ATAD5: variants seen among roughly 807,000 people sequenced by gnomAD.
ATAD5 encodes ATPase family AAA domain containing 5.
ATAD5 carries 58 observed loss-of-function variants against 176.9 expected under a neutral mutation model. The ratio of observed to expected loss-of-function variants is 0.33; its 90% CI spans 0.27 to 0.41. The LOEUF (loss-of-function observed/expected upper bound fraction) is 0.41, where lower values mean the gene tolerates loss of function less well. Among genes scored for constraint, ATAD5 ranks in the 10% least tolerant of loss-of-function variants. The pLI is 1.00. For missense variants in ATAD5, 1,789 were observed against 2,094.1 expected (o/e 0.85, Z 2.84); for synonymous variants, 640 against 712.6 (o/e 0.90, Z 1.62).
intron 19 of ATAD5, among the ~76,000 whole-genome samples, chr17:30,887,790 C>T (rs73263785): frequency 0.11 from 15,969 of 151,960 alleles, 955 homozygotes; most frequent in South Asian, 0.24. Flanking sequence ...CACTCCGGCC[C>T]AGACAATAGA....
intron 18 of ATAD5, among the ~76,000 whole-genome samples, chr17:30,886,925 C>T (rs11650271): frequency 0.11 from 15,999 of 152,030 alleles, 955 homozygotes; most frequent in South Asian, 0.24. Flanking sequence ...TATAAAACTG[C>T]CTTCAGTGTT....
chr17:30,878,718 G>GTTTTTTTTTTTTTTTTTTTTTTT (rs71142005), intron 17 of ATAD5, among the ~76,000 whole-genome samples: 2 of 56,838 alleles, frequency 3.5e-5, no homozygotes, highest in African/African-American at 6.6e-5. Context: ...GTTAGGTGGT[G>GTTTTTTTTTTTTTTTTTTTTTTT]TTTTTTTTTT....
Position 30,879,401 on chromosome 17 carries a change from TTGTGTGTG to T in ATAD5, c.4013-10_4013-3del. On this transcript the variant is annotated splice_polypyrimidine_tract_variant and intron_variant, in intron 17 of 22. Coordinates refer to ENST00000321990, the MANE Select transcript of ATAD5 (RefSeq NM_024857.5). ...CTTAGTGTTTAAGAATTTTTTTTTT[TTGTGTGTG>T]TGTGTGTGTGTAGACCCAACATTTA... The T allele has an allele frequency of 7.4e-7, 1 of 1,352,290 alleles. No individual in the cohort carries two copies. The highest frequency in any genetic ancestry group is 1.3e-5 in the South Asian group (1 of 78,106). The allele number at this position is 1,352,290 out of a possible 1,614,324, so 83.8% of individuals were successfully genotyped here.
rs1486159940 is a variant in ATAD5, at chr17:30,834,683, A to G, written c.602A>G (p.Asp201Gly). The part of the protein sequence containing the change: ...VNPKQGTTKN[D>G]FKKLRKRKCR... Reference sequence around the variant, plus strand: ...CCTAAACAAGGGACCACAAAAAATGACTTCAAAAAGTTGAGAAAAAGGAAA... The same window carrying G: ...CCTAAACAAGGGACCACAAAAAATGGCTTCAAAAAGTTGAGAAAAAGGAAA... Residue 201 changes from aspartate to glycine, a missense_variant, in exon 2 of 23, where the codon GAC becomes GGC. By Grantham distance (94) the Asp-to-Gly change is moderately conservative (BLOSUM62 -1). This residue lies in a region of ATAD5 where 696 missense variants were observed against 712.5 expected (regional missense o/e 0.98). Coordinates refer to ENST00000321990, the MANE Select transcript of ATAD5 (RefSeq NM_024857.5). 28 of 1,610,074 alleles carry G rather than the reference A, an allele frequency of 1.7e-5. No homozygotes were observed. Among genetic ancestry groups the G allele is most frequent in the Non-Finnish European group, 2.4e-5 (28 of 1,179,070 alleles).
chr17:30,887,862 C>T (rs113934718), intron 19 of ATAD5, among the ~76,000 whole-genome samples: 2 of 151,854 alleles, frequency 1.3e-5, no homozygotes, highest in East Asian at 1.9e-4. Context: ...GATGGAGTCT[C>T]GCACTGTTGC....
chr17:30,890,521 A>G (rs1909584063), intron 19 of ATAD5, among the ~76,000 whole-genome samples: 1 of 147,164 alleles, frequency 6.8e-6, no homozygotes, highest in Non-Finnish European at 1.5e-5. Context: ...TCCTGGGTTC[A>G]AGGGATTCTC....
intron 17 of ATAD5, among the ~76,000 whole-genome samples, chr17:30,878,444 C>A (rs1162824354): frequency 6.6e-6 from 1 of 151,958 alleles, no homozygotes; most frequent in Non-Finnish European, 1.5e-5. Context: ...CTCTTTTGCC[C>A]CTGATAACAC....
chr17:30,878,056 C>G lies in ATAD5; in HGVS notation c.3972C>G (p.Phe1324Leu). The G allele has an allele frequency of 6.2e-7, 1 of 1,611,630 alleles. No individual in the cohort carries two copies. The highest frequency in any genetic ancestry group is 8.5e-7 in the Non-Finnish European group (1 of 1,178,694). ...GGTTTTTGAATGCAATCAAAACATT[C>G]ATGGCAACAACTAAACGACCTGTAA... is the stretch of plus-strand genomic sequence containing the variant. ...DAGFLNAIKT[F>L]MATTKRPVIL... Residue 1324 changes from phenylalanine (F) to leucine (L), a missense_variant, in exon 17 of 23, where the codon TTC (phenylalanine) becomes TTG (leucine). Phe to Leu is a conservative substitution (Grantham distance 22, BLOSUM62 0). Transcript: ENST00000321990.
At chr17:30,867,698 G>A (rs573783062) in intron 11 of ATAD5, among the ~76,000 whole-genome samples, 23 of 152,002 alleles carry the variant, frequency 1.5e-4, no homozygotes, top group South Asian at 4.2e-4. Flanking sequence ...TGCAACCTTC[G>A]CCTCTCAGGC....
At position 30,856,703 on chromosome 17, in the gene ATAD5, A is replaced by C. The variant is rs555880316; in HGVS notation, c.2636-252A>C. 2.6e-5 allele frequency among the ~76,000 whole-genome samples: 4 copies of C among 152,328 alleles called. No homozygotes were observed. In the South Asian group the frequency reaches 6.2e-4, roughly 24 times the overall value. On this transcript the variant is annotated intron_variant, in intron 7 of 22. Coordinates refer to ENST00000321990, the MANE Select transcript of ATAD5 (RefSeq NM_024857.5). ...TCCTAAAAGTTTTAACCTGAGTATC[A>C]AGGTTGATTTGAAAAGAAAGGAAAG...
At chr17:30,867,608 C>T (rs936308551) in intron 11 of ATAD5, among the ~76,000 whole-genome samples, 2 of 152,024 alleles carry the variant, frequency 1.3e-5, no homozygotes, top group East Asian at 1.9e-4. Context: ...CACAACATAC[C>T]GCAGTTCTTT....
At position 30,872,007 on chromosome 17, in the gene ATAD5, G is replaced by A. The variant is rs1754555869; in HGVS notation, c.3607+2361G>A. On this transcript the variant is annotated intron_variant, in intron 14 of 22. Transcript: ENST00000321990. The stretch of plus-strand genomic sequence containing the variant: ...CACGATTATGGTTCCCTGCCACCTC[G>A]AAGTGGGCTTGGGCAATCCCCCAAC... 2.0e-5 allele frequency among the ~76,000 whole-genome samples: 3 copies of A among 152,206 alleles called. No individual in the cohort carries two copies. The South Asian group carries it at 6.2e-4, about 32-fold the overall frequency.
At chr17:30,844,145 T>G in intron 5 of ATAD5, 106 bp downstream of exon 5, 2 of 1,042,474 alleles carry the variant, frequency 1.9e-6, no homozygotes, top group Non-Finnish European at 2.6e-6. Flanking sequence ...TTATTTATTT[T>G]TGAGACGGAG....
At position 30,893,785 on chromosome 17, in the gene ATAD5, T is replaced by C. The variant is rs1179804733; in HGVS notation, c.4932T>C (p.His1644=). Residue 1644 remains histidine (H), a synonymous_variant, in exon 21 of 23, where the codon CAT becomes CAC. Coordinates refer to ENST00000321990, the MANE Select transcript of ATAD5 (RefSeq NM_024857.5). ...AGKKCSALVS[H]CLNSLSEFMD... ...AAAAATGTTCTGCCCTTGTTTCTCA[T>C]TGTTTAAATTCTCTCTCTGAGTTCA... 6.2e-7 allele frequency: 1 copy of C among 1,614,012 alleles called. No homozygotes were observed. Among genetic ancestry groups the C allele is most frequent in the Non-Finnish European group, 8.5e-7 (1 of 1,179,976 alleles).
intron 12 of ATAD5, 58 bp from the exon 13 acceptor site, chr17:30,869,190 A>G: frequency 6.5e-7 from 1 of 1,539,302 alleles, no homozygotes; most frequent in African/African-American, 1.4e-5. Flanking sequence ...TGGGTTTCAT[A>G]AGGTAGAATT....
intron 12 of ATAD5, 136 bp from the exon 13 acceptor site, chr17:30,869,112 C>T: frequency 2.0e-6 from 2 of 994,618 alleles, no homozygotes; most frequent in Non-Finnish European, 1.4e-6. Flanking sequence ...AGGCATGTGC[C>T]ACTGCGTCCG....
At chr17:30,839,905 T>C (rs1306307373) in intron 3 of ATAD5, among the ~76,000 whole-genome samples, 1 of 151,816 alleles carries the variant, frequency 6.6e-6, no homozygotes, top group East Asian at 2.0e-4. Flanking sequence ...TTATCATATA[T>C]AAGAAGCTTG....
At position 30,868,424 on chromosome 17, in the gene ATAD5, G is replaced by A; in HGVS notation, c.3313+12G>A. The A allele has an allele frequency of 2.2e-6, 3 of 1,365,884 alleles. No individual in the cohort carries two copies. The highest frequency in any genetic ancestry group is 3.3e-5 in the South Asian group (2 of 61,092). 84.6% of individuals were successfully genotyped at this position (1,365,884 alleles called of 1,614,324 possible). A position where few individuals can be genotyped will look rare whatever the true frequency, so the allele number is the denominator to read the frequency against. Reference sequence around the variant, plus strand: ...TGAGAAACATGAAGGTATTTTGTGTGTCTTTTTTTTTTTTTTTACCATTTC... The same window carrying A: ...TGAGAAACATGAAGGTATTTTGTGTATCTTTTTTTTTTTTTTTACCATTTC... On this transcript the variant is annotated intron_variant, in intron 12 of 22. Coordinates refer to ENST00000321990, the MANE Select transcript of ATAD5 (RefSeq NM_024857.5).
intron 19 of ATAD5, among the ~76,000 whole-genome samples, chr17:30,887,636 CCT>C (rs981350220): frequency 1.3e-5 from 2 of 151,976 alleles, no homozygotes; most frequent in African/African-American, 2.4e-5. Context: ...AAGCGAGACC[CCT>C]GTCTCTACAA....
Sources: allele counts gnomAD v4.1 joint callset (sites outside exome capture counted in the v4.1 genomes callset), GRCh38; gene constraint gnomAD v4.1.1; regional missense constraint gnomAD v4.1.1; transcripts MANE v1.5; gene names NCBI Gene and HGNC (gene_info 2026-07-23, HGNC 2026-07-21).